CNPY1: variants seen among roughly 807,000 people sequenced by gnomAD.
The protein encoded by CNPY1 is protein canopy homolog 1.
In CNPY1, 14 loss-of-function variants were observed where a neutral mutation model predicts 14.4. The ratio of observed to expected loss-of-function variants is 0.97; its 90% CI spans 0.64 to 1.52. CNPY1 has a LOEUF of 1.52. CNPY1 is among the 40% of genes most tolerant of loss of function. CNPY1 has a pLI of 0.00. For synonymous variants in CNPY1, 43 were observed against 46.5 expected (o/e 0.92, Z 0.31); for missense variants, 129 against 131.5 (o/e 0.98, Z 0.09).
At chr7:155,542,128 C>A (rs1797091611) in intron 2 of CNPY1, among the ~76,000 whole-genome samples, 1 of 151,402 alleles carries the variant, frequency 6.6e-6, no homozygotes, top group Non-Finnish European at 1.5e-5. Context: ...GTATTCACAA[C>A]CCCTGCTGTA....
rs913478493 is a variant in CNPY1 at position 155,545,895 on chromosome 7, C to T, written c.35G>A (p.Arg12Gln). The stretch of plus-strand genomic sequence containing the variant: ...GGATCCCACCTTGGTCTTCTTCTGC[C>T]GAGCCTTGGTGATGTCGTGCTCTAT... ...DEIEHDITKA[R>Q]QKKTKVGSFR... Residue 12 changes from arginine (R) to glutamine (Q), a missense_variant, in exon 2 of 5, where the codon CGG becomes CAG. Arg to Gln is a conservative substitution (Grantham distance 43). Transcript: ENST00000636446. 12 of 398,536 alleles carry T rather than the reference C, an allele frequency of 3.0e-5. No homozygotes were observed. Among genetic ancestry groups the T allele is most frequent in the African/African-American group, 1.4e-4 (7 of 48,628 alleles). 24.7% of individuals were successfully genotyped at this position (398,536 alleles called of 1,614,324 possible). A position where few individuals can be genotyped will look rare whatever the true frequency, so the allele number is the denominator to read the frequency against.
chr7:155,514,181 C>T (rs1796574663), intron 2 of CNPY1, among the ~76,000 whole-genome samples: 1 of 152,188 alleles, frequency 6.6e-6, no homozygotes, highest in Admixed American at 6.5e-5. Context: ...TTCATTCATT[C>T]AACAAATATT....
intron 2 of CNPY1, among the ~76,000 whole-genome samples, chr7:155,516,545 C>T (rs928426174): frequency 6.0e-5 from 9 of 150,734 alleles, no homozygotes; most frequent in Non-Finnish European, 8.8e-5. Context: ...GACCAGGAGA[C>T]GCGGTGTCCT....
At chr7:155,535,841 C>T (rs541834620) in intron 2 of CNPY1, among the ~76,000 whole-genome samples, 7 of 152,314 alleles carry the variant, frequency 4.6e-5, no homozygotes, top group Admixed American at 2.0e-4. Flanking sequence ...AGCCAGACTT[C>T]TCACCGATTC....
chr7:155,509,235 C>T, intron 2 of CNPY1, 138 bp from the exon 3 acceptor site: 1 of 554,680 alleles, frequency 1.8e-6, no homozygotes, highest in East Asian at 3.0e-5. Flanking sequence ...GCCCAGAAGA[C>T]GGTACCGCAG....
rs111230028 is a variant in CNPY1, at chr7:155,520,014, T to C, written c.100-10917A>G. 4.1e-3 allele frequency among the ~76,000 whole-genome samples: 629 copies of C among 152,344 alleles called. 5 individuals carry two copies. The highest frequency in any genetic ancestry group is 0.014 in the African/African-American group (600 of 41,576). Reference sequence around the variant, plus strand: ...TAACTCTGCTATGAGGATTTCTGTATCACTTTTTCCTGTAGAATTATTTTT... The same window carrying C: ...TAACTCTGCTATGAGGATTTCTGTACCACTTTTTCCTGTAGAATTATTTTT... On this transcript the variant is annotated intron_variant, in intron 2 of 4. Coordinates refer to ENST00000636446, the MANE Select transcript of CNPY1 (RefSeq NM_001393663.1).
intron 2 of CNPY1, among the ~76,000 whole-genome samples, chr7:155,515,454 C>T (rs926097653): frequency 3.3e-5 from 5 of 152,292 alleles, no homozygotes; most frequent in Admixed American, 6.5e-5. Flanking sequence ...CCATGGGAGA[C>T]GCCTCACCCA....
intron 3 of CNPY1, 64 bp from the exon 4 acceptor site, chr7:155,507,180 G>A (rs1341791173): frequency 2.0e-6 from 2 of 1,004,822 alleles, no homozygotes; most frequent in East Asian, 2.4e-5. Context: ...TTGTTAGGAA[G>A]GACTTTGCAA....
intron 2 of CNPY1, among the ~76,000 whole-genome samples, chr7:155,525,234 G>A (rs1453731311): frequency 6.6e-6 from 1 of 152,036 alleles, no homozygotes; most frequent in Non-Finnish European, 1.5e-5. Flanking sequence ...AGACTGTAGT[G>A]CAGTGGTGCA....
intron 2 of CNPY1, among the ~76,000 whole-genome samples, chr7:155,525,557 T>C (rs1407550775): frequency 1.5e-4 from 21 of 141,358 alleles, no homozygotes; most frequent in Admixed American, 1.3e-3. Flanking sequence ...CTTCTGCTCA[T>C]GTAATATATT....
At chr7:155,524,517 A>G (rs1796783547) in intron 2 of CNPY1, among the ~76,000 whole-genome samples, 1 of 152,202 alleles carries the variant, frequency 6.6e-6, no homozygotes, top group Non-Finnish European at 1.5e-5. Flanking sequence ...AGATTCTCAT[A>G]GGAGTGTGAA....
At chr7:155,519,106 C>T (rs1001733687) in intron 2 of CNPY1, among the ~76,000 whole-genome samples, 5 of 152,182 alleles carry the variant, frequency 3.3e-5, no homozygotes, top group Non-Finnish European at 7.3e-5. Context: ...AGGTCATCAG[C>T]GAACACCTGG....
chr7:155,504,947 T>C lies in CNPY1; in HGVS notation c.401-1842A>G, dbSNP rs541683184. ...CTTCAGTTGTCTGAAACCATCCCAA[T>C]GTGTTAAGATGCATGAATTCTCTGT... is the stretch of plus-strand genomic sequence containing the variant. On this transcript the variant is annotated intron_variant, in intron 4 of 4. Transcript: ENST00000636446. Among the ~76,000 whole-genome samples, 15 of 152,324 alleles carry C rather than the reference T, an allele frequency of 9.8e-5. No homozygotes were observed. The East Asian group carries it at 2.9e-3, about 29-fold the overall frequency.
intron 2 of CNPY1, chr7:155,510,605 T>A (rs1287265066): frequency 6.6e-6 from 1 of 152,214 alleles, no homozygotes; most frequent in Non-Finnish European, 1.5e-5. Context: ...CCACCACACG[T>A]ATCTAATCAC....
At chr7:155,544,238 A>G (rs751461345) in intron 2 of CNPY1, among the ~76,000 whole-genome samples, 1 of 152,186 alleles carries the variant, frequency 6.6e-6, no homozygotes, top group African/African-American at 2.4e-5. Flanking sequence ...CCCCGCTCTC[A>G]TCAGTAATGC....
In CNPY1 at chr7:155,502,858, T is replaced by C. The variant is rs1432335113; in HGVS notation, c.*210A>G. 2.5e-5 allele frequency: 13 copies of C among 518,874 alleles called. No individual in the cohort carries two copies. Among genetic ancestry groups the C allele is most frequent in the Non-Finnish European group, 3.8e-5 (11 of 291,714 alleles). 32.1% of individuals were successfully genotyped at this position (518,874 alleles called of 1,614,324 possible). ...TCTGCAAAGGTTAATTTAAGTTTCA[T>C]GTACTCCTCAGCTTCACCTATAAAA... On this transcript the variant is annotated 3_prime_UTR_variant, in exon 5 of 5. Coordinates refer to ENST00000636446, the MANE Select transcript of CNPY1 (RefSeq NM_001393663.1).
In CNPY1 at chr7:155,503,048, C is replaced by A. The variant is rs754709888; in HGVS notation, c.*20G>T. 1.2e-6 allele frequency: 2 copies of A among 1,606,358 alleles called. No homozygotes were observed. Among genetic ancestry groups the A allele is most frequent in the Non-Finnish European group, 1.7e-6 (2 of 1,176,372 alleles). On this transcript the variant is annotated 3_prime_UTR_variant, in exon 5 of 5. Coordinates refer to ENST00000636446, the MANE Select transcript of CNPY1 (RefSeq NM_001393663.1). ...TTGGGTGTGACTTTACTCCTCTCTA[C>A]GACCAGCAGAACGGCACTCCTAGAG... is the stretch of plus-strand genomic sequence containing the variant.
intron 2 of CNPY1, among the ~76,000 whole-genome samples, chr7:155,528,679 C>A (rs1213664680): frequency 6.6e-6 from 1 of 152,210 alleles, no homozygotes. Flanking sequence ...CAGAGACTCC[C>A]ATCTTTGAAG....
At chr7:155,506,348 C>T (rs17837550) in intron 4 of CNPY1, among the ~76,000 whole-genome samples, 5,167 of 152,274 alleles carry the variant, frequency 0.034, 307 homozygotes, top group African/African-American at 0.12. Context: ...AGAAGGTCTA[C>T]GTACAGCCAA....
Sources: gnomAD v4.1 joint callset for allele counts (sites outside exome capture counted in the v4.1 genomes callset) on GRCh38, gnomAD v4.1.1 for gene constraint, MANE v1.5 for transcripts, NCBI Gene and HGNC (gene_info 2026-07-23, HGNC 2026-07-21) for gene names.